Variants in DDX60 observed in about 807,000 individuals in gnomAD.
DDX60 encodes probable ATP-dependent RNA helicase DDX60.
DDX60 carries 165 observed loss-of-function variants against 212.8 expected under a neutral mutation model. The observed-to-expected ratio is 0.78, with a 90% CI of 0.68 to 0.88. The LOEUF is 0.88. Ranked by LOEUF, DDX60 falls within the 40% of genes least tolerant of loss-of-function variation. DDX60 has a pLI of 0.00. For missense variants in DDX60, 1,905 were observed against 2,003.9 expected, an observed-to-expected ratio of 0.95 and a Z score of 0.94; for synonymous variants, 703 against 685.3, an observed-to-expected ratio of 1.03 and a Z score of -0.40.
At chr4:168,234,297 C>T (rs1733556965) in intron 33 of DDX60, among the ~76,000 whole-genome samples, 2 of 152,088 alleles carry the variant, frequency 1.3e-5, no homozygotes, top group South Asian at 4.1e-4. Flanking sequence ...TACTCTTCAG[C>T]CATTTTTCTC....
chr4:168,275,423 G>A lies in DDX60; in HGVS notation c.2226C>T (p.Tyr742=), dbSNP rs762563788. 1.2e-6 allele frequency: 2 copies of A among 1,613,184 alleles called. No individual in the cohort carries two copies. Among genetic ancestry groups the A allele is most frequent in the South Asian group, 1.1e-5 (1 of 90,816 alleles). ...GIGPARFQLQ[Y]MGHYLIRDER... ...CATCTCGTATCAAATAATGGCCCAT[G>A]TATTGCAGTTGGAACCGAGCTGGCC... The change falls in exon 16 of 38, where the codon TAC becomes TAT. Residue 742 remains tyrosine, a synonymous_variant. Coordinates refer to ENST00000393743, the MANE Select transcript of DDX60 (RefSeq NM_017631.6).
chr4:168,325,495 A>T, the DDX60 span, among the ~76,000 whole-genome samples: 4 of 152,360 alleles, frequency 2.6e-5, no homozygotes, highest in South Asian at 8.3e-4. Flanking sequence ...TCATATGTGT[A>T]TCTATGAAAA....
chr4:168,252,768 C>T, intron 26 of DDX60, 112 bp from the exon 27 acceptor site: 1 of 698,630 alleles, frequency 1.4e-6, no homozygotes, highest in Admixed American at 2.8e-5. Context: ...GTCTTCTCAC[C>T]CAGACTTCCA....
chr4:168,311,232 T>A, intron 2 of DDX60, 24 bp downstream of exon 2: 2 of 1,610,398 alleles, frequency 1.2e-6, no homozygotes, highest in Non-Finnish European at 1.7e-6. Context: ...TTATAATCTA[T>A]AAATATTTTA....
In DDX60 at chr4:168,273,865, A is replaced by G. The variant is rs1735209936; in HGVS notation, c.2454+69T>C. The G allele has an allele frequency of 1.8e-5, 27 of 1,528,382 alleles. No individual in the cohort carries two copies. In the South Asian group the frequency reaches 3.2e-4, roughly 18 times the overall value. 94.7% of individuals were successfully genotyped at this position (1,528,382 alleles called of 1,614,324 possible). A position where few individuals can be genotyped will look rare whatever the true frequency, so the allele number is the denominator to read the frequency against. ...TAAAGTGAACTAGATCTACCATGTG[A>G]CCATGTTCATTATTTTTAAATAGTA... On this transcript the variant is annotated intron_variant, in intron 17 of 37. Transcript: ENST00000393743.
At chr4:168,290,392 G>A (rs549869512) in intron 8 of DDX60, among the ~76,000 whole-genome samples, 40 of 147,956 alleles carry the variant, frequency 2.7e-4, no homozygotes, top group Middle Eastern at 6.9e-3. Context: ...ACAGTGGTGC[G>A]ATCTCGGCTC....
chr4:168,254,367 C>T (rs1734327953), intron 26 of DDX60, among the ~76,000 whole-genome samples: 1 of 152,092 alleles, frequency 6.6e-6, no homozygotes, highest in South Asian at 2.1e-4. Context: ...TGGGTTTTTA[C>T]CTCCCATGCT....
At chr4:168,246,668 T>A (rs769856907) in intron 29 of DDX60, 50 bp from the exon 30 acceptor site, 1 of 1,584,210 alleles carries the variant, frequency 6.3e-7, no homozygotes, top group African/African-American at 1.3e-5. Flanking sequence ...ATGCTTCTAC[T>A]GCCATAGTGT....
upstream of DDX60, among the ~76,000 whole-genome samples, chr4:168,323,784 T>A (rs1737650077): frequency 6.6e-6 from 1 of 152,088 alleles, no homozygotes; most frequent in East Asian, 1.9e-4. Context: ...GGCCCAAGAT[T>A]ATGTAACAGT....
intron 9 of DDX60, 105 bp from the exon 10 acceptor site, chr4:168,287,308 A>T (rs1369790046): frequency 9.1e-7 from 1 of 1,104,518 alleles, no homozygotes; most frequent in Non-Finnish European, 1.3e-6. Context: ...AATACTTTCC[A>T]CATAGTGAAA....
chr4:168,322,528 T>C (rs1049508236), upstream of DDX60, among the ~76,000 whole-genome samples: 8 of 151,434 alleles, frequency 5.3e-5, no homozygotes, highest in African/African-American at 9.8e-5. Flanking sequence ...GCTGCATTTT[T>C]TCAGCAGGTA....
At chr4:168,246,829 G>A (rs373717574) in intron 29 of DDX60, among the ~76,000 whole-genome samples, 44 of 152,256 alleles carry the variant, frequency 2.9e-4, no homozygotes, top group African/African-American at 9.4e-4. Flanking sequence ...TCATCATTAC[G>A]TACGTATTTC....
At chr4:168,237,947 T>C in intron 30 of DDX60, 152 bp from the exon 31 acceptor site, 1 of 541,686 alleles carries the variant, frequency 1.8e-6, no homozygotes, top group East Asian at 3.3e-5. Context: ...TTTATAGTGT[T>C]ACATGGCAAC....
upstream of DDX60, among the ~76,000 whole-genome samples, chr4:168,322,641 C>A (rs1367793230): frequency 6.6e-6 from 1 of 152,208 alleles, no homozygotes; most frequent in East Asian, 1.9e-4. Flanking sequence ...TAGAACACTT[C>A]AAATAGTTTA....
intron 33 of DDX60, among the ~76,000 whole-genome samples, chr4:168,230,556 A>G (rs1036805766): frequency 2.0e-5 from 3 of 152,166 alleles, no homozygotes; most frequent in Non-Finnish European, 4.4e-5. Flanking sequence ...ATGCAAATAC[A>G]TGGAAATTAA....
intron 7 of DDX60, among the ~76,000 whole-genome samples, chr4:168,293,113 A>T (rs1016079493): frequency 6.6e-6 from 1 of 152,166 alleles, no homozygotes; most frequent in South Asian, 2.1e-4. Context: ...GTGTGTGTGT[A>T]TGTGTAAACA....
intron 5 of DDX60, among the ~76,000 whole-genome samples, chr4:168,303,754 C>T (rs1162775041): frequency 5.3e-5 from 8 of 152,092 alleles, no homozygotes; most frequent in Admixed American, 1.3e-4. Context: ...GAGGCCAAGA[C>T]GGGCAGATCA....
intron 33 of DDX60, among the ~76,000 whole-genome samples, chr4:168,233,137 T>C (rs947538970): frequency 2.0e-5 from 3 of 151,960 alleles, no homozygotes; most frequent in South Asian, 2.1e-4. Context: ...ATCAGGGAAA[T>C]GCAAATCAAA....
At chr4:168,285,939 G>GATAA (rs1735818648) in intron 10 of DDX60, among the ~76,000 whole-genome samples, 1 of 105,780 alleles carries the variant, frequency 9.5e-6, no homozygotes, top group African/African-American at 4.0e-5. Context: ...AAGGAAGGAA[G>GATAA]GGAGGAAGGG....
Sources: allele counts gnomAD v4.1 joint callset (sites outside exome capture counted in the v4.1 genomes callset), GRCh38; gene constraint gnomAD v4.1.1; transcripts MANE v1.5; gene names NCBI Gene and HGNC (gene_info 2026-07-23, HGNC 2026-07-21).